The following PDK1 variants were observed in gnomAD, a reference collection of about 807,000 sequenced individuals.
The protein encoded by PDK1 is pyruvate dehydrogenase kinase 1.
PDK1 carries 39 observed loss-of-function variants against 54.2 expected under a neutral mutation model. That is an observed-to-expected ratio of 0.72 (90% CI 0.56 to 0.94). The LOEUF (loss-of-function observed/expected upper bound fraction) is 0.94. Ranked by LOEUF, PDK1 falls within the 40% of genes least tolerant of loss-of-function variation. The probability of loss-of-function intolerance (pLI) is 0.00; values close to 1 mark genes in which losing one functional copy is unlikely to be tolerated. For synonymous variants in PDK1, 221 were observed against 207.1 expected (o/e 1.07, Z -0.58); for missense variants, 552 against 566.0 (o/e 0.98, Z 0.25).
intron 2 of PDK1, among the ~76,000 whole-genome samples, chr2:172,561,621 A>G (rs181503583): frequency 1.6e-4 from 25 of 152,364 alleles, no homozygotes; most frequent in Admixed American, 6.5e-4. Flanking sequence ...TATTTTGCTC[A>G]TTCCTTAACA....
intron 8 of PDK1, among the ~76,000 whole-genome samples, chr2:172,576,389 T>TC (rs1289695388): frequency 6.6e-6 from 1 of 151,872 alleles, no homozygotes; most frequent in African/African-American, 2.4e-5. Flanking sequence ...CTTCTTTTTT[T>TC]TTCTTGGTCA....
chr2:172,626,409 T>TA, the PDK1 span, among the ~76,000 whole-genome samples: 6 of 152,210 alleles, frequency 3.9e-5, no homozygotes, highest in East Asian at 1.2e-3. Context: ...AGGGAAGCTT[T>TA]ATAAGGAATG....
the PDK1 span, among the ~76,000 whole-genome samples, chr2:172,669,713 G>T: frequency 6.6e-6 from 1 of 152,184 alleles, no homozygotes; most frequent in Admixed American, 6.5e-5. Context: ...GATGTGAAAT[G>T]ATATCTCATT....
chr2:172,672,473 C>T, the PDK1 span, among the ~76,000 whole-genome samples: 1 of 152,074 alleles, frequency 6.6e-6, no homozygotes, highest in Non-Finnish European at 1.5e-5. Flanking sequence ...AATAATGACC[C>T]CAAAAGGCTG....
the PDK1 span, among the ~76,000 whole-genome samples, chr2:172,622,195 G>GAT: frequency 7.6e-5 from 11 of 144,090 alleles, no homozygotes; most frequent in African/African-American, 2.8e-4. Context: ...TATTATGTGA[G>GAT]ATGTTTATAT....
intron 9 of PDK1, 90 bp downstream of exon 9, chr2:172,586,478 G>GC: frequency 1.4e-6 from 1 of 724,752 alleles, no homozygotes; most frequent in Non-Finnish European, 2.5e-6. Context: ...CCGTCATGTA[G>GC]GGTACTCCAC....
chr2:172,712,483 C>T, the PDK1 span, among the ~76,000 whole-genome samples: 1 of 152,190 alleles, frequency 6.6e-6, no homozygotes, highest in African/African-American at 2.4e-5. Context: ...GGTGTGTGAG[C>T]GAGCACGGGG....
the PDK1 span, among the ~76,000 whole-genome samples, chr2:172,635,297 G>A: frequency 3.3e-5 from 5 of 151,960 alleles, no homozygotes; most frequent in African/African-American, 1.2e-4. Flanking sequence ...TTTATCACAC[G>A]GCCAATTGTA....
chr2:172,588,723 C>T (rs566068559), intron 9 of PDK1, among the ~76,000 whole-genome samples: 18 of 152,332 alleles, frequency 1.2e-4, no homozygotes, highest in Admixed American at 1.2e-3. Context: ...CTGATGCCCA[C>T]AGGAGTGGCT....
the PDK1 span, among the ~76,000 whole-genome samples, chr2:172,703,766 CTTTTTTTT>C: frequency 1.6e-4 from 14 of 89,114 alleles, no homozygotes; most frequent in Non-Finnish European, 2.5e-4. Context: ...TTCTTTCTTT[CTTTTTTTT>C]TTTTTTTTTT....
intron 8 of PDK1, among the ~76,000 whole-genome samples, chr2:172,582,693 C>A (rs529402507): frequency 6.6e-6 from 1 of 152,330 alleles, no homozygotes; most frequent in Admixed American, 6.5e-5. Context: ...TTCCCTCCCT[C>A]CCTTTTCCTG....
the PDK1 span, among the ~76,000 whole-genome samples, chr2:172,648,068 C>T: frequency 6.6e-6 from 1 of 152,138 alleles, no homozygotes; most frequent in African/African-American, 2.4e-5. Flanking sequence ...AATTTAGAAA[C>T]TGTCATGGAT....
chr2:172,651,329 G>A, the PDK1 span, among the ~76,000 whole-genome samples: 1 of 152,204 alleles, frequency 6.6e-6, no homozygotes, highest in African/African-American at 2.4e-5. Flanking sequence ...AAAGCAGTTT[G>A]TAGAGGAAAA....
chr2:172,705,289 A>G, the PDK1 span, among the ~76,000 whole-genome samples: 1 of 152,254 alleles, frequency 6.6e-6, no homozygotes, highest in Non-Finnish European at 1.5e-5. Context: ...AAAACATTTA[A>G]GGTCCAACAG....
At chr2:172,703,318 G>T in the PDK1 span, among the ~76,000 whole-genome samples, 4 of 152,164 alleles carry the variant, frequency 2.6e-5, no homozygotes, top group Non-Finnish European at 5.9e-5. Context: ...TGGACCTCTG[G>T]CCCCCAGGAC....
downstream of PDK1, among the ~76,000 whole-genome samples, chr2:172,610,318 T>C (rs544197597): frequency 2.0e-5 from 3 of 152,268 alleles, no homozygotes; most frequent in Middle Eastern, 3.4e-3. Context: ...GAAAAATAGG[T>C]ATCCAGTATG....
the PDK1 span, among the ~76,000 whole-genome samples, chr2:172,618,153 C>T: frequency 3.3e-4 from 50 of 152,262 alleles, no homozygotes; most frequent in Non-Finnish European, 5.1e-4. Context: ...GATCCAACTA[C>T]CCCTACATTC....
At chr2:172,575,843 A>C (rs113103611) in intron 8 of PDK1, among the ~76,000 whole-genome samples, 3,405 of 152,244 alleles carry the variant, frequency 0.022, 121 homozygotes, top group African/African-American at 0.078. Flanking sequence ...TAATTAAATA[A>C]ATAAATATAA....
At chr2:172,699,182 G>C in the PDK1 span, among the ~76,000 whole-genome samples, 5 of 152,162 alleles carry the variant, frequency 3.3e-5, no homozygotes, top group African/African-American at 1.2e-4. Context: ...TGGGTGGCTA[G>C]AAATTTAATT....
Sources: gnomAD v4.1 joint callset for allele counts (sites outside exome capture counted in the v4.1 genomes callset) on GRCh38, gnomAD v4.1.1 for gene constraint, MANE v1.5 for transcripts, NCBI Gene and HGNC (gene_info 2026-07-23, HGNC 2026-07-21) for gene names.